Variants in ARHGAP20 observed in about 807,000 individuals in gnomAD.
ARHGAP20 encodes Rho GTPase activating protein 20, also known as rho GTPase-activating protein 20.
ARHGAP20 carries 34 observed loss-of-function variants against 73.7 expected under a neutral mutation model. The ratio of observed to expected loss-of-function variants is 0.46; its 90% confidence interval spans 0.35 to 0.61. ARHGAP20 has a LOEUF of 0.61. ARHGAP20 is among the 20% of genes least tolerant of loss of function. ARHGAP20 has a pLI of 0.00. For synonymous variants in ARHGAP20, 523 were observed against 518.2 expected (o/e 1.01, Z -0.13); for missense variants, 1,314 against 1,420.9 (o/e 0.92, Z 1.21).
rs186215103 is a variant in ARHGAP20 at position 110,585,286 on chromosome 11, T to C, written c.1415+930A>G. 9.3e-3 allele frequency among the ~76,000 whole-genome samples: 1,409 copies of C among 151,464 alleles called. 14 individuals are homozygous for C. Among genetic ancestry groups the C allele is most frequent in the Non-Finnish European group, 9.4e-3 (633 of 67,576 alleles). ...CATGAGAGTCATAATTTTACCTTTT[T>C]CCAAAAAAATCCTTTAACAGCTTAT... On this transcript the variant is annotated intron_variant, in intron 12 of 14. Coordinates refer to ENST00000683387, the MANE Select transcript of ARHGAP20 (RefSeq NM_001384657.1).
chr11:110,674,148 A>T (rs952883079), intron 2 of ARHGAP20, among the ~76,000 whole-genome samples: 3 of 152,036 alleles, frequency 2.0e-5, no homozygotes, highest in African/African-American at 7.2e-5. Context: ...GTTGGCCAGG[A>T]TGTTCTCGAT....
At chr11:110,667,206 G>A (rs1949740764) in intron 2 of ARHGAP20, among the ~76,000 whole-genome samples, 1 of 152,188 alleles carries the variant, frequency 6.6e-6, no homozygotes, top group Non-Finnish European at 1.5e-5. Flanking sequence ...ATGCCATTTA[G>A]GACTTGCATA....
chr11:110,659,070 T>C (rs1163757554), intron 2 of ARHGAP20, among the ~76,000 whole-genome samples: 1 of 151,112 alleles, frequency 6.6e-6, no homozygotes, highest in Non-Finnish European at 1.5e-5. Context: ...TTTGGGTATA[T>C]ACCCAGTAAT....
At chr11:110,611,228 T>A in intron 7 of ARHGAP20, 81 bp downstream of exon 7, 1 of 913,808 alleles carries the variant, frequency 1.1e-6, no homozygotes, top group Admixed American at 2.8e-5. Flanking sequence ...TCAGCTGTCT[T>A]ATGATGGAAG....
intron 2 of ARHGAP20, among the ~76,000 whole-genome samples, chr11:110,686,442 G>A (rs1050263221): frequency 1.6e-4 from 25 of 152,246 alleles, no homozygotes; most frequent in Admixed American, 3.9e-4. Context: ...AGTTACCCCT[G>A]GGGATGGAGT....
intron 2 of ARHGAP20, among the ~76,000 whole-genome samples, chr11:110,680,044 G>A (rs769438318): frequency 8.6e-5 from 13 of 151,974 alleles, no homozygotes; most frequent in Non-Finnish European, 1.2e-4. Flanking sequence ...TGGAACACTC[G>A]GCAAATTAGA....
Position 110,611,436 on chromosome 11 carries a change from C to G in ARHGAP20, c.631-50G>C, listed in dbSNP as rs751290575. On this transcript the variant is annotated intron_variant, in intron 6 of 14. Transcript: ENST00000683387. ...AGCTATAAAATAATGAATTTTAAAA[C>G]AGGTTAACAAATAATCATTGTCAAA... The G allele has an allele frequency of 4.1e-6, 4 of 972,002 alleles. No individual in the cohort carries two copies. In the African/African-American group the frequency reaches 6.9e-5, roughly 17 times the overall value. The allele number at this position is 972,002 out of a possible 1,614,324, so 60.2% of individuals were successfully genotyped here. A position where few individuals can be genotyped will look rare whatever the true frequency, so the allele number is the denominator to read the frequency against.
chr11:110,590,302 AGT>A (rs1433050139), intron 11 of ARHGAP20, among the ~76,000 whole-genome samples: 1 of 152,198 alleles, frequency 6.6e-6, no homozygotes, highest in East Asian at 1.9e-4. Context: ...GTAGTAAGAG[AGT>A]GAGGAAATCA....
intron 2 of ARHGAP20, among the ~76,000 whole-genome samples, chr11:110,655,979 C>T (rs892987181): frequency 4.6e-5 from 7 of 152,158 alleles, no homozygotes; most frequent in Non-Finnish European, 1.0e-4. Flanking sequence ...AACAACTTTA[C>T]CTTCTACTAC....
intron 2 of ARHGAP20, among the ~76,000 whole-genome samples, chr11:110,648,170 T>TAA (rs1269038041): frequency 1.4e-5 from 1 of 73,904 alleles, no homozygotes; most frequent in Admixed American, 1.7e-4. Context: ...TATATATATG[T>TAA]AAATATATAT....
At chr11:110,684,231 A>T (rs1876198) in intron 2 of ARHGAP20, among the ~76,000 whole-genome samples, 46,028 of 152,068 alleles carry the variant, frequency 0.3, 7,758 homozygotes, top group African/African-American at 0.47. Flanking sequence ...TTTAGAAAAC[A>T]GCAAACATTA....
At chr11:110,625,032 AT>A (rs766777290) in intron 3 of ARHGAP20, among the ~76,000 whole-genome samples, 22,681 of 107,752 alleles carry the variant, frequency 0.21, 2,091 homozygotes, top group East Asian at 0.32. Flanking sequence ...TTTTATTTTT[AT>A]TTTTTTTTTT....
intron 2 of ARHGAP20, among the ~76,000 whole-genome samples, chr11:110,654,252 T>G (rs1197651755): frequency 6.6e-6 from 1 of 152,142 alleles, no homozygotes; most frequent in African/African-American, 2.4e-5. Flanking sequence ...TTTGCTGAAC[T>G]GAAGTCCAAA....
Position 110,711,769 on chromosome 11 carries a change from G to A in ARHGAP20, c.105+358C>T, listed in dbSNP as rs1219317021. 2.2e-6 allele frequency: 3 copies of A among 1,356,440 alleles called. No homozygotes were observed. In the African/African-American group the frequency reaches 4.6e-5, roughly 21 times the overall value. 84.0% of individuals were successfully genotyped at this position (1,356,440 alleles called of 1,614,324 possible). On this transcript the variant is annotated intron_variant, in intron 1 of 14. Transcript: ENST00000683387. ...CCCAGGCCACTTCGGGAGGCCCAGG[G>A]GCACGGCGAGGGGTCGGGGAAAGGC...
At chr11:110,657,940 AAGG>A in intron 2 of ARHGAP20, among the ~76,000 whole-genome samples, 1 of 143,904 alleles carries the variant, frequency 6.9e-6, no homozygotes, top group East Asian at 2.0e-4. Context: ...GGAAGGAAGG[AAGG>A]AAGGAAGGAA....
chr11:110,580,966 C>T lies in ARHGAP20; in HGVS notation c.1980G>A (p.Val660=), dbSNP rs749598491. 4.3e-6 allele frequency: 7 copies of T among 1,614,164 alleles called. No homozygotes were observed. The highest frequency in any genetic ancestry group is 5.1e-6 in the Non-Finnish European group (6 of 1,180,024). ...QMKRPLESKP[V]NILVYTKIPL... is the part of the protein sequence containing the mutation. ...GGATCTTTGTGTACACTAAAATGTT[C>T]ACCGGCTTGGATTCAAGAGGCCGTT... is the stretch of plus-strand genomic sequence containing the variant. The change falls in exon 15 of 15, where the codon GTG becomes GTA. Residue 660 remains valine, a synonymous_variant. Transcript: ENST00000683387.
At chr11:110,631,608 T>G (rs1477118237) in intron 2 of ARHGAP20, among the ~76,000 whole-genome samples, 1 of 152,192 alleles carries the variant, frequency 6.6e-6, no homozygotes, top group Non-Finnish European at 1.5e-5. Context: ...CCCAAGTTGC[T>G]CATGCCCTTT....
upstream of ARHGAP20, chr11:110,712,485 C>T (rs912885631): frequency 1.2e-5 from 2 of 160,266 alleles, no homozygotes; most frequent in African/African-American, 4.8e-5. Flanking sequence ...CTCGGGCCCG[C>T]CCCCTCCGCT....
intron 2 of ARHGAP20, among the ~76,000 whole-genome samples, chr11:110,674,775 T>G (rs10891163): frequency 0.17 from 25,899 of 152,114 alleles, 2,290 homozygotes; most frequent in South Asian, 0.29. Flanking sequence ...ACTCACCATG[T>G]TCAAAACTTG....
Sources: gnomAD v4.1 joint callset for allele counts (sites outside exome capture counted in the v4.1 genomes callset) on GRCh38, gnomAD v4.1.1 for gene constraint, MANE v1.5 for transcripts, NCBI Gene and HGNC (gene_info 2026-07-23, HGNC 2026-07-21) for gene names.